The following DLGAP2 variants were observed in gnomAD, a reference collection of about 807,000 sequenced individuals.
The protein encoded by DLGAP2 is DLG associated protein 2, also known as disks large-associated protein 2.
Under a neutral mutation model 100.3 loss-of-function variants are expected in DLGAP2, and 26 were observed. The ratio of observed to expected loss-of-function variants is 0.26; its 90% CI spans 0.19 to 0.36. DLGAP2 has a LOEUF of 0.36. Among genes scored for constraint, DLGAP2 ranks in the 10% least tolerant of loss-of-function variants. The pLI is 1.00. For synonymous variants in DLGAP2, 886 were observed against 630.1 expected, an observed-to-expected ratio of 1.41 and a Z score of -6.08; for missense variants, 1,858 against 1,453.2, an observed-to-expected ratio of 1.28 and a Z score of -4.53.
chr8:1,163,331 G>GCTGCCTGCTGCCTGCT (rs1563223340), intron 2 of DLGAP2, among the ~76,000 whole-genome samples: 1 of 152,202 alleles, frequency 6.6e-6, no homozygotes, highest in Non-Finnish European at 1.5e-5. Flanking sequence ...GCCTGCTGCC[G>GCTGCCTGCTGCCTGCT]GCCTTCCCGG....
Position 1,703,993 on chromosome 8 carries a change from C to G in DLGAP2, c.*2587C>G, listed in dbSNP as rs1487513299. 6.5e-6 allele frequency: 1 copy of G among 152,716 alleles called. No homozygotes were observed. The highest frequency in any genetic ancestry group is 6.5e-5 in the Admixed American group (1 of 15,290). 9.5% of individuals were successfully genotyped at this position (152,716 alleles called of 1,614,324 possible). On this transcript the variant is annotated 3_prime_UTR_variant, in exon 15 of 15. Transcript: ENST00000637795. ...GATGGAATGTTACCTGTCCGTGTTACATAATCAAGTGCAATATACTCAGTT... is the reference window on the plus strand; with the variant it reads ...GATGGAATGTTACCTGTCCGTGTTAGATAATCAAGTGCAATATACTCAGTT...
At chr8:1,496,648 T>A (rs1192726452) in intron 3 of DLGAP2, among the ~76,000 whole-genome samples, 1 of 152,076 alleles carries the variant, frequency 6.6e-6, no homozygotes, top group African/African-American at 2.4e-5. Flanking sequence ...CCCTCTCAGA[T>A]CCACCCAGAC....
chr8:1,128,276 G>A (rs1054580408), intron 2 of DLGAP2, among the ~76,000 whole-genome samples: 5 of 148,090 alleles, frequency 3.4e-5, no homozygotes, highest in South Asian at 2.2e-4. Flanking sequence ...ACCTGCTCCC[G>A]GTGTTGTGTT....
intron 2 of DLGAP2, among the ~76,000 whole-genome samples, chr8:1,257,285 A>G (rs1277378600): frequency 6.6e-6 from 1 of 151,762 alleles, no homozygotes; most frequent in Non-Finnish European, 1.5e-5. Flanking sequence ...CACCAAGGTC[A>G]CCTTCCGAAG....
Position 1,548,844 on chromosome 8 carries a change from G to A in DLGAP2, c.391G>A (p.Gly131Arg), listed in dbSNP as rs1490347530. ...LLSPADSCPG[G>R]RHRCSPRSSV... ...GAGCCCCGCCGACAGCTGCCCCGGG[G>A]GGCGCCACCGCTGCTCGCCGCGCAG... The change falls in exon 5 of 15, where the codon GGG becomes AGG. Residue 131 changes from glycine (G) to arginine (R), a missense_variant. Coordinates refer to ENST00000637795, the MANE Select transcript of DLGAP2 (RefSeq NM_001346810.2). The A allele has an allele frequency of 6.3e-7, 1 of 1,579,808 alleles. No homozygotes were observed. The highest frequency in any genetic ancestry group is 8.6e-7 in the Non-Finnish European group (1 of 1,166,752).
intron 10 of DLGAP2, among the ~76,000 whole-genome samples, chr8:1,672,289 G>A (rs575788420): frequency 3.3e-5 from 5 of 149,486 alleles, no homozygotes; most frequent in East Asian, 2.0e-4. Context: ...TGCGTGGCAC[G>A]ATCTCAGGTC....
chr8:965,368 CT>C lies in DLGAP2; in HGVS notation c.73+57403del, dbSNP rs1282056580. 5.4e-4 allele frequency among the ~76,000 whole-genome samples: 46 copies of C among 85,230 alleles called. 2 individuals carry two copies. Among genetic ancestry groups the C allele is most frequent in the African/African-American group, 1.9e-3 (36 of 18,806 alleles). The allele number at this position is 85,230 out of a possible 152,430, so 55.9% of individuals were successfully genotyped here. On this transcript the variant is annotated intron_variant, in intron 2 of 14. Coordinates refer to ENST00000637795, the MANE Select transcript of DLGAP2 (RefSeq NM_001346810.2). ...CACACAGGGCTCCTGAGTCTGACCC[CT>C]GCGCTGTACACGGCACTGTTCATCA... is the stretch of plus-strand genomic sequence containing the variant.
chr8:932,655 T>G (rs1026071508), intron 2 of DLGAP2, among the ~76,000 whole-genome samples: 2 of 152,200 alleles, frequency 1.3e-5, no homozygotes, highest in Non-Finnish European at 2.9e-5. Context: ...ATGCCTGCAA[T>G]GTAGTCTCAT....
chr8:816,359 T>C (rs1348141364), intron 1 of DLGAP2, among the ~76,000 whole-genome samples: 4 of 152,038 alleles, frequency 2.6e-5, no homozygotes, highest in South Asian at 2.1e-4. Context: ...TTGGTGTATC[T>C]CAAGGATTTG....
chr8:1,322,115 A>G (rs1800915328), intron 3 of DLGAP2, among the ~76,000 whole-genome samples: 1 of 152,216 alleles, frequency 6.6e-6, no homozygotes, highest in African/African-American at 2.4e-5. Flanking sequence ...AAAAAGTCCC[A>G]ACTTGATATT....
intron 6 of DLGAP2, among the ~76,000 whole-genome samples, chr8:1,591,492 CA>C (rs1355959959): frequency 2.0e-5 from 3 of 151,904 alleles, no homozygotes; most frequent in African/African-American, 7.3e-5. Flanking sequence ...TCTTTTCTAA[CA>C]TGGAGAGATG....
At chr8:1,087,398 C>A (rs2036942631) in intron 2 of DLGAP2, among the ~76,000 whole-genome samples, 1 of 152,182 alleles carries the variant, frequency 6.6e-6, no homozygotes, top group African/African-American at 2.4e-5. Flanking sequence ...TTGTCTATGC[C>A]TGGCTGTGTT....
intron 8 of DLGAP2, among the ~76,000 whole-genome samples, chr8:1,645,633 T>C (rs1798023256): frequency 6.6e-6 from 1 of 152,212 alleles, no homozygotes; most frequent in African/African-American, 2.4e-5. Flanking sequence ...ATAGATACAT[T>C]TGTGTTGGTT....
At chr8:1,137,459 C>G (rs200049825) in intron 2 of DLGAP2, 1 of 152,558 alleles carries the variant, frequency 6.6e-6, no homozygotes, top group East Asian at 1.9e-4. Flanking sequence ...TGCATGGAGC[C>G]TCTCGCTGTC....
At chr8:1,080,619 C>T (rs1010667181) in intron 2 of DLGAP2, among the ~76,000 whole-genome samples, 2 of 152,170 alleles carry the variant, frequency 1.3e-5, no homozygotes, top group African/African-American at 2.4e-5. Flanking sequence ...ACTCATCAGG[C>T]GGAACAGGGA....
At chr8:893,212 G>C (rs1019630590) in intron 1 of DLGAP2, 1 of 152,214 alleles carries the variant, frequency 6.6e-6, no homozygotes, top group Admixed American at 6.5e-5. Context: ...CTGCAGAGTG[G>C]CATGCGATGT....
chr8:1,238,294 C>T (rs1387040386), intron 2 of DLGAP2, among the ~76,000 whole-genome samples: 1 of 23,574 alleles, frequency 4.2e-5, no homozygotes, highest in Admixed American at 3.5e-4. Context: ...CACATGTTGC[C>T]GTGTCTAGTT....
At chr8:1,482,933 C>G (rs1225153328) in intron 3 of DLGAP2, among the ~76,000 whole-genome samples, 1 of 152,242 alleles carries the variant, frequency 6.6e-6, no homozygotes, top group African/African-American at 2.4e-5. Flanking sequence ...GGCGGATGGT[C>G]TTGGAGCATT....
At chr8:1,635,830 A>T (rs1251004975) in intron 8 of DLGAP2, among the ~76,000 whole-genome samples, 1 of 152,226 alleles carries the variant, frequency 6.6e-6, no homozygotes, top group Admixed American at 6.5e-5. Flanking sequence ...TTAAACATGG[A>T]CAGGTTGAGG....
Sources: gnomAD v4.1 joint callset for allele counts (sites outside exome capture counted in the v4.1 genomes callset) on GRCh38, gnomAD v4.1.1 for gene constraint, MANE v1.5 for transcripts, NCBI Gene and HGNC (gene_info 2026-07-23, HGNC 2026-07-21) for gene names.